TMEFF2: variants seen among roughly 807,000 people sequenced by gnomAD.
TMEFF2 encodes the protein tomoregulin-2.
TMEFF2 carries 28 observed loss-of-function variants against 53.8 expected under a neutral mutation model. The ratio of observed to expected loss-of-function variants is 0.52; its 90% CI spans 0.39 to 0.71. The LOEUF is 0.71. Ranked by LOEUF, TMEFF2 falls within the 30% of genes least tolerant of loss-of-function variation. The pLI is 0.00. For synonymous variants in TMEFF2, 162 were observed against 166.3 expected (o/e 0.97, Z 0.20); for missense variants, 353 against 455.2 (o/e 0.78, Z 2.04).
In TMEFF2 at chr2:192,194,245, A is replaced by G; in HGVS notation, c.172+108T>C. On this transcript the variant is annotated intron_variant, in intron 1 of 9. Transcript: ENST00000272771. This position sits in a 1 kb window ranked among gnomAD's most constrained non-coding sequence, Gnocchi z 4.2. ...GTGGGTGGTATTAGGGGTCTAGGGC[A>G]GTAGGAGGTGAGGGGCTGAGGAGGC... 7.7e-7 allele frequency: 1 copy of G among 1,299,328 alleles called. No homozygotes were observed. The highest frequency in any genetic ancestry group is 1.1e-6 in the Non-Finnish European group (1 of 917,484). 80.5% of individuals were successfully genotyped at this position (1,299,328 alleles called of 1,614,324 possible).
chr2:192,116,205 G>A (rs961990466), intron 4 of TMEFF2, among the ~76,000 whole-genome samples: 1 of 151,962 alleles, frequency 6.6e-6, no homozygotes, highest in Non-Finnish European at 1.5e-5. Flanking sequence ...TGAACCTTGA[G>A]ACAATTATGC....
intron 4 of TMEFF2, among the ~76,000 whole-genome samples, chr2:192,130,557 G>A (rs1481786260): frequency 2.0e-5 from 3 of 152,036 alleles, no homozygotes; most frequent in South Asian, 2.1e-4. Flanking sequence ...TTAACTGAGC[G>A]ATTAACCCTG....
At chr2:192,050,453 AT>A (rs377392735) in intron 5 of TMEFF2, among the ~76,000 whole-genome samples, 2,018 of 152,058 alleles carry the variant, frequency 0.013, 23 homozygotes, top group Non-Finnish European at 0.021. Flanking sequence ...TTATTTTTCA[AT>A]TTTTTTTATT....
At chr2:192,192,222 A>G (rs1691479101) in intron 1 of TMEFF2, among the ~76,000 whole-genome samples, 1 of 151,850 alleles carries the variant, frequency 6.6e-6, no homozygotes, top group Non-Finnish European at 1.5e-5. Flanking sequence ...TCCTTTTCTG[A>G]TAGTGCTATT....
At chr2:192,026,291 G>A (rs1000420101) in intron 5 of TMEFF2, among the ~76,000 whole-genome samples, 11 of 152,210 alleles carry the variant, frequency 7.2e-5, no homozygotes, top group Non-Finnish European at 1.5e-4. Context: ...TTAGGCATGG[G>A]AAGTGGAGGG....
intron 4 of TMEFF2, among the ~76,000 whole-genome samples, chr2:192,070,316 C>T (rs1015635822): frequency 4.0e-5 from 6 of 151,570 alleles, no homozygotes; most frequent in African/African-American, 1.5e-4. Context: ...GAATTAATGA[C>T]AAAATTTTTG....
intron 4 of TMEFF2, among the ~76,000 whole-genome samples, chr2:192,076,501 C>G (rs1314399732): frequency 1.3e-5 from 2 of 152,108 alleles, no homozygotes; most frequent in Admixed American, 1.3e-4. Flanking sequence ...TTTACTCCAC[C>G]AACACTTACT....
chr2:192,172,260 C>G (rs1454155203), intron 4 of TMEFF2, among the ~76,000 whole-genome samples: 1 of 151,424 alleles, frequency 6.6e-6, no homozygotes, highest in Non-Finnish European at 1.5e-5. Context: ...ATCTTACTTT[C>G]TTCCCTTCTG....
chr2:192,049,843 T>TA (rs1400164306), intron 5 of TMEFF2, among the ~76,000 whole-genome samples: 1 of 151,862 alleles, frequency 6.6e-6, no homozygotes, highest in African/African-American at 2.4e-5. Flanking sequence ...CTACTAAAAA[T>TA]ACAAAAAATT....
At chr2:191,965,411 C>T (rs1217317918) in intron 7 of TMEFF2, among the ~76,000 whole-genome samples, 1 of 152,150 alleles carries the variant, frequency 6.6e-6, no homozygotes, top group African/African-American at 2.4e-5. Context: ...TCACTAAAGT[C>T]AGACCATATG....
chr2:192,034,290 A>G (rs1442378493), intron 5 of TMEFF2, among the ~76,000 whole-genome samples: 1 of 152,178 alleles, frequency 6.6e-6, no homozygotes, highest in African/African-American at 2.4e-5. Context: ...AATTCCAGTT[A>G]AAATAACAAT....
chr2:192,100,811 T>C (rs1464904168), intron 4 of TMEFF2, among the ~76,000 whole-genome samples: 1 of 152,222 alleles, frequency 6.6e-6, no homozygotes, highest in East Asian at 1.9e-4. Flanking sequence ...ATGCAGATTA[T>C]ATATTATAGT....
At chr2:192,173,809 C>A (rs1400623584) in intron 4 of TMEFF2, among the ~76,000 whole-genome samples, 2 of 151,702 alleles carry the variant, frequency 1.3e-5, no homozygotes, top group African/African-American at 4.8e-5. Flanking sequence ...TTATTACTAT[C>A]CCACCATCAA....
Position 192,160,065 on chromosome 2 carries a change from C to T in TMEFF2, c.439+19603G>A, listed in dbSNP as rs552058437. 4.6e-5 allele frequency among the ~76,000 whole-genome samples: 7 copies of T among 152,216 alleles called. No individual in the cohort carries two copies. The South Asian group carries it at 1.5e-3, about 32-fold the overall frequency. ...ATGTTTTCTATTGTGATATTACTGC[C>T]TGGAAAAAGGGCATCTTGTTTGACT... On this transcript the variant is annotated intron_variant, in intron 4 of 9. Coordinates refer to ENST00000272771, the MANE Select transcript of TMEFF2 (RefSeq NM_016192.4).
rs536077404 is a variant in TMEFF2 at position 192,002,821 on chromosome 2, C to A, written c.537-3613G>T. Among the ~76,000 whole-genome samples, 398 of 152,154 alleles carry A rather than the reference C, an allele frequency of 2.6e-3. 3 individuals carry two copies. The highest frequency in any genetic ancestry group is 3.9e-3 in the Non-Finnish European group (264 of 67,996). Reference sequence around the variant, plus strand: ...CTCCAGCCTGGGCAACAGAGTGGGACTCTGTTTCAAAAACAAAACAAAACA... The same window carrying A: ...CTCCAGCCTGGGCAACAGAGTGGGAATCTGTTTCAAAAACAAAACAAAACA... On this transcript the variant is annotated intron_variant, in intron 5 of 9. Transcript: ENST00000272771.
At chr2:191,953,955 C>G (rs1691978332) in intron 8 of TMEFF2, 118 bp from the exon 9 acceptor site, 1 of 845,296 alleles carries the variant, frequency 1.2e-6, no homozygotes, top group African/African-American at 1.9e-5. Flanking sequence ...AGTGGCGCAT[C>G]TCGGCTCACT....
chr2:192,006,578 C>T (rs1686507385), intron 5 of TMEFF2, among the ~76,000 whole-genome samples: 1 of 152,154 alleles, frequency 6.6e-6, no homozygotes, highest in African/African-American at 2.4e-5. Flanking sequence ...TTCACTTTCC[C>T]AAGCTTTAGA....
At chr2:192,115,174 G>A (rs1178852745) in intron 4 of TMEFF2, among the ~76,000 whole-genome samples, 1 of 151,920 alleles carries the variant, frequency 6.6e-6, no homozygotes, top group Non-Finnish European at 1.5e-5. Context: ...CATATTACCT[G>A]ACTTCAAAGT....
intron 4 of TMEFF2, among the ~76,000 whole-genome samples, chr2:192,079,771 G>GT (rs1426870339): frequency 6.6e-6 from 1 of 151,882 alleles, no homozygotes; most frequent in African/African-American, 2.4e-5. Flanking sequence ...AATATTCCTT[G>GT]TTTTTTATTA....
Sources: gnomAD v4.1 joint callset for allele counts (sites outside exome capture counted in the v4.1 genomes callset) on GRCh38, gnomAD v4.1.1 for gene constraint, Gnocchi (gnomAD v3.1) non-coding constraint, MANE v1.5 for transcripts, NCBI Gene and HGNC (gene_info 2026-07-23, HGNC 2026-07-21) for gene names.